STRIP2: variants seen among roughly 807,000 people sequenced by gnomAD.
STRIP2 encodes the protein striatin-interacting protein 2.
Under a neutral mutation model 107.1 loss-of-function variants are expected in STRIP2, and 84 were observed. That is an observed-to-expected ratio of 0.78 (90% CI 0.66 to 0.94). The LOEUF is 0.94. Among genes scored for constraint, STRIP2 ranks in the 40% least tolerant of loss-of-function variants. The pLI, the probability that STRIP2 is intolerant of heterozygous loss-of-function variation, is 0.00. For synonymous variants in STRIP2, 394 were observed against 400.4 expected (o/e 0.98, Z 0.19); for missense variants, 888 against 1,034.2 (o/e 0.86, Z 1.94).
At chr7:129,475,521 A>T in intron 18 of STRIP2, among the ~76,000 whole-genome samples, 1 of 129,388 alleles carries the variant, frequency 7.7e-6, no homozygotes, top group Non-Finnish European at 1.6e-5. Flanking sequence ...TGGGTACTTG[A>T]GATTAGGGAG....
intron 7 of STRIP2, 100 bp from the exon 8 acceptor site, chr7:129,455,144 G>C: frequency 7.1e-7 from 1 of 1,399,802 alleles, no homozygotes; most frequent in South Asian, 1.4e-5. Context: ...CTTCAGGGGA[G>C]GTGAGTGCCT....
intron 14 of STRIP2, 91 bp downstream of exon 14, chr7:129,463,131 G>A: frequency 1.9e-6 from 2 of 1,080,634 alleles, no homozygotes; most frequent in East Asian, 2.4e-5. Context: ...CAACACTTGA[G>A]CTTGTTTCCT....
chr7:129,470,154 A>G (rs1238260281), intron 17 of STRIP2, among the ~76,000 whole-genome samples: 2 of 152,148 alleles, frequency 1.3e-5, no homozygotes, highest in Non-Finnish European at 2.9e-5. Context: ...CCCTGTCTCA[A>G]GCTTCCTTTA....
chr7:129,467,349 G>C lies in STRIP2; in HGVS notation c.1777-1G>C. On this transcript the variant is annotated splice_acceptor_variant, in intron 16 of 20. Transcript: ENST00000249344. LOFTEE classifies it high-confidence loss of function. ...CCTTTCTGCTTTGATTTTTAATTCA[G>C]TTTGAATATGTATCGCAACATTTGG... is the stretch of plus-strand genomic sequence containing the variant. 1 of 1,611,072 alleles carries C rather than the reference G, an allele frequency of 6.2e-7. No individual in the cohort carries two copies. Among genetic ancestry groups the C allele is most frequent in the Non-Finnish European group, 8.5e-7 (1 of 1,177,722 alleles).
Position 129,434,610 on chromosome 7 carries a change from C to T in STRIP2, c.129+9C>T, listed in dbSNP as rs1187427557. On this transcript the variant is annotated intron_variant, in intron 1 of 20. Coordinates refer to ENST00000249344, the MANE Select transcript of STRIP2 (RefSeq NM_020704.3). ...AGCGGCGGGAGTCAGAGGTGAGGAG[C>T]CCGGAAAGCTTCGGCTGGGGCCCGG... 5 of 1,478,384 alleles carry T rather than the reference C, an allele frequency of 3.4e-6. No individual in the cohort carries two copies. The highest frequency in any genetic ancestry group is 4.5e-6 in the Non-Finnish European group (5 of 1,116,934). The allele number at this position is 1,478,384 out of a possible 1,614,324, so 91.6% of individuals were successfully genotyped here.
In STRIP2 at chr7:129,486,021, C is replaced by T. The variant is rs1799238519; in HGVS notation, c.*192C>T. ...CTTGCCCTGGGGTCAGTTGGGTGCC[C>T]AGTTGGCCTTGGAAATCTTTTGGTG... On this transcript the variant is annotated 3_prime_UTR_variant, in exon 21 of 21. Transcript: ENST00000249344. 6 of 600,344 alleles carry T rather than the reference C, an allele frequency of 1.0e-5. No homozygotes were observed. In the South Asian group the frequency reaches 1.3e-4, roughly 13 times the overall value. The allele number at this position is 600,344 out of a possible 1,614,324, so 37.2% of individuals were successfully genotyped here.
chr7:129,482,680 C>G lies in STRIP2; in HGVS notation c.2050-162C>G, dbSNP rs542131003. ...GACATGAGCCACCTTGCCCAGCCCC[C>G]CTCTATATTCTTGAAGATTAAATCT... is the stretch of plus-strand genomic sequence containing the variant. On this transcript the variant is annotated intron_variant, in intron 19 of 20. Coordinates refer to ENST00000249344, the MANE Select transcript of STRIP2 (RefSeq NM_020704.3). 3.8e-4 allele frequency among the ~76,000 whole-genome samples: 58 copies of G among 152,066 alleles called. No homozygotes were observed. The South Asian group carries it at 1.0e-2, about 26-fold the overall frequency.
intron 4 of STRIP2, 116 bp downstream of exon 4, chr7:129,451,863 G>GA: frequency 7.9e-7 from 1 of 1,271,914 alleles, no homozygotes; most frequent in Non-Finnish European, 1.1e-6. Flanking sequence ...TGCCTCTCAA[G>GA]GACAGATCTT....
At chr7:129,466,646 C>T (rs1308308047) in intron 16 of STRIP2, among the ~76,000 whole-genome samples, 2 of 152,174 alleles carry the variant, frequency 1.3e-5, no homozygotes, top group Non-Finnish European at 2.9e-5. Flanking sequence ...GTCCTATATA[C>T]AGACCACATC....
chr7:129,485,098 C>G (rs1415863452), intron 20 of STRIP2, among the ~76,000 whole-genome samples: 1 of 152,040 alleles, frequency 6.6e-6, no homozygotes, highest in African/African-American at 2.4e-5. Flanking sequence ...CATGTTATAC[C>G]CCTCTTGCCC....
rs751217087 is a variant in STRIP2, at chr7:129,458,807, C to T, written c.1340+30C>T. On this transcript the variant is annotated intron_variant, in intron 11 of 20. Transcript: ENST00000249344. The surrounding 1 kb of genome is among the most constrained non-coding windows in gnomAD (Gnocchi z 4.6). ...GTGACTGAATGGCTGGAACTGGCTA[C>T]AGAGTGGTTCCTAGGGGGCCAGAGG... 4 of 1,610,778 alleles carry T rather than the reference C, an allele frequency of 2.5e-6. No individual in the cohort carries two copies. The highest frequency in any genetic ancestry group is 3.4e-6 in the Non-Finnish European group (4 of 1,177,108).
intron 6 of STRIP2, 37 bp downstream of exon 6, chr7:129,454,247 AT>A: frequency 6.2e-7 from 1 of 1,603,296 alleles, no homozygotes. Context: ...AACAGGGCAG[AT>A]GATTAGCACC....
In STRIP2 at chr7:129,483,202, G is replaced by A; in HGVS notation, c.2254+156G>A. On this transcript the variant is annotated intron_variant, in intron 20 of 20. Transcript: ENST00000249344. This position sits in a 1 kb window ranked among gnomAD's most constrained non-coding sequence, Gnocchi z 5.1. The stretch of plus-strand genomic sequence containing the variant: ...CAGGCGCTGATACACCAAACTTTAA[G>A]GTTATGCCTCAAATTCTAGTATGTA... 1.4e-6 allele frequency: 2 copies of A among 1,429,098 alleles called. No homozygotes were observed. The highest frequency in any genetic ancestry group is 1.8e-6 in the Non-Finnish European group (2 of 1,093,088). The allele number at this position is 1,429,098 out of a possible 1,614,324, so 88.5% of individuals were successfully genotyped here.
chr7:129,456,217 G>T (rs1287137742), intron 8 of STRIP2, among the ~76,000 whole-genome samples: 1 of 144,504 alleles, frequency 6.9e-6, no homozygotes, highest in Non-Finnish European at 1.5e-5. Flanking sequence ...TTCCCATACT[G>T]GGGCAGTAAA....
chr7:129,469,142 C>A (rs553963903), intron 17 of STRIP2, among the ~76,000 whole-genome samples: 2 of 152,254 alleles, frequency 1.3e-5, no homozygotes, highest in African/African-American at 4.8e-5. Context: ...TCCTTCTGCA[C>A]CCATGGACCT....
intron 15 of STRIP2, 68 bp downstream of exon 15, chr7:129,464,209 A>G (rs952527876): frequency 2.5e-6 from 3 of 1,186,002 alleles, no homozygotes; most frequent in African/African-American, 3.0e-5. Context: ...TCTAGTCCCC[A>G]CTCACCTTGT....
At chr7:129,475,873 G>A (rs1353638733) in intron 18 of STRIP2, among the ~76,000 whole-genome samples, 1 of 152,132 alleles carries the variant, frequency 6.6e-6, no homozygotes, top group African/African-American at 2.4e-5. Flanking sequence ...GAGAGCACCG[G>A]GTTGGGGGCA....
At chr7:129,455,501 T>C in intron 8 of STRIP2, 130 bp downstream of exon 8, 1 of 1,125,774 alleles carries the variant, frequency 8.9e-7, no homozygotes, top group African/African-American at 1.6e-5. Flanking sequence ...ACTGCTAATA[T>C]GGAGGGGCAA....
At chr7:129,450,854 TCAGAAAAGTTTTAAAAGTGTTATGGAAG>T (rs1448375090) in intron 3 of STRIP2, among the ~76,000 whole-genome samples, 1 of 150,800 alleles carries the variant, frequency 6.6e-6, no homozygotes, top group Admixed American at 6.6e-5. Context: ...AAATGCTGTG[TCAGAAAAGTTTTAAAAGTGTTATGGAAG>T]CAGAGTATTT....
Sources: allele counts gnomAD v4.1 joint callset (sites outside exome capture counted in the v4.1 genomes callset), GRCh38; gene constraint gnomAD v4.1.1; non-coding constraint Gnocchi (gnomAD v3.1); transcripts MANE v1.5; gene names NCBI Gene and HGNC (gene_info 2026-07-23, HGNC 2026-07-21).